The following NEK9 variants were observed in gnomAD, a reference collection of about 807,000 sequenced individuals.
NEK9 encodes NIMA related kinase 9.
NEK9 carries 75 observed loss-of-function variants against 123.4 expected under a neutral mutation model. That is an observed-to-expected ratio of 0.61 (90% CI 0.50 to 0.74). The LOEUF (loss-of-function observed/expected upper bound fraction) is 0.74. Among genes scored for constraint, NEK9 ranks in the 30% least tolerant of loss-of-function variants. NEK9 has a pLI of 0.00. For missense variants in NEK9, 952 were observed against 1,214.4 expected (o/e 0.78, Z 3.21); for synonymous variants, 438 against 458.7 (o/e 0.95, Z 0.58).
rs748222443 is a variant in NEK9, at chr14:75,097,127, G to A, written c.2146C>T (p.Arg716Cys). Reference sequence around the variant, plus strand: ...ACGATGAGAATGGTATGCCATCCACGGCAAGACAGGTCCGGGACATGATGC... The same window carrying A: ...ACGATGAGAATGGTATGCCATCCACAGCAAGACAGGTCCGGGACATGATGC... ...SLHHVPDLSC[R>C]GWHTILIVEK... Residue 716 changes from arginine to cysteine, a missense_variant, in exon 17 of 22, where the codon CGT (arginine) becomes TGT (cysteine). Around this residue, in one of 4 missense-constraint regions of NEK9, gnomAD observed 698 missense variants for 875.6 expected, o/e 0.80. Coordinates refer to ENST00000238616, the MANE Select transcript of NEK9 (RefSeq NM_033116.6). 9.3e-6 allele frequency: 15 copies of A among 1,611,046 alleles called. No homozygotes were observed. The highest frequency in any genetic ancestry group is 7.7e-5 in the South Asian group (7 of 90,634).
chr14:75,114,719 GTAA>G lies in NEK9; in HGVS notation c.763-409_763-407del, dbSNP rs575975794. 7.0e-3 allele frequency among the ~76,000 whole-genome samples: 1,069 copies of G among 152,182 alleles called. 16 individuals carry two copies. The highest frequency in any genetic ancestry group is 0.023 in the African/African-American group (966 of 41,510). ...ATACTCTGCTGCAACAGATAAGGCA[GTAA>G]TAATAATAAGATGATAATACTAACA... On this transcript the variant is annotated intron_variant, in intron 6 of 21. Coordinates refer to ENST00000238616, the MANE Select transcript of NEK9 (RefSeq NM_033116.6).
In NEK9 at chr14:75,120,648, T is replaced by C. The variant is rs175454; in HGVS notation, c.454-68A>G. ...CCATTTAAGTAAATACACACACACATAAACAAACAAAACAAAGAAAACTGC... is the reference window on the plus strand; with the variant it reads ...CCATTTAAGTAAATACACACACACACAAACAAACAAAACAAAGAAAACTGC... On this transcript the variant is annotated intron_variant, in intron 3 of 21. Transcript: ENST00000238616. 1,101,417 of 1,111,332 alleles carry C rather than the reference T, an allele frequency of 0.99. 545,902 individuals carry two copies. The highest frequency in any genetic ancestry group is 1 in the East Asian group (41,578 of 41,742). The allele number at this position is 1,111,332 out of a possible 1,614,324, so 68.8% of individuals were successfully genotyped here.
At chr14:75,120,895 A>T in intron 3 of NEK9, 1 of 641,940 alleles carries the variant, frequency 1.6e-6, no homozygotes. Flanking sequence ...TAGAACCAGG[A>T]AAGAAAGCCC....
At chr14:75,124,334 C>G in intron 1 of NEK9, 111 bp from the exon 2 acceptor site, 1 of 851,340 alleles carries the variant, frequency 1.2e-6, no homozygotes, top group South Asian at 1.9e-5. Flanking sequence ...CACAGACTGA[C>G]TCCTCTTATT....
Position 75,112,742 on chromosome 14 carries a change from C to G in NEK9, c.938+597G>C, listed in dbSNP as rs541449962. 2.0e-5 allele frequency among the ~76,000 whole-genome samples: 3 copies of G among 152,236 alleles called. No individual in the cohort carries two copies. In the East Asian group the frequency reaches 5.8e-4, roughly 29 times the overall value. On this transcript the variant is annotated intron_variant, in intron 8 of 21. Transcript: ENST00000238616. ...GAGGCTGAGGTGTGAGAATCACTTG[C>G]AGCAGAAGTTCAAGGCTGCAGTGAG...
chr14:75,124,106 CAAT>C lies in NEK9; in HGVS notation c.334_336del (p.Ile112del). The C allele has an allele frequency of 6.2e-7, 1 of 1,614,064 alleles. No homozygotes were observed. Among genetic ancestry groups the C allele is most frequent in the Non-Finnish European group, 8.5e-7 (1 of 1,179,906 alleles). Reference sequence around the variant, plus strand: ...TTGTCCATGAAGTGATTGTAGTAGGCAATAATGTTGTCGTGCTGCAGCAGTGCC... The same window carrying C: ...TTGTCCATGAAGTGATTGTAGTAGGCAATGTTGTCGTGCTGCAGCAGTGCC... On this transcript the variant is annotated inframe_deletion, in exon 2 of 22. Coordinates refer to ENST00000238616, the MANE Select transcript of NEK9 (RefSeq NM_033116.6).
At chr14:75,119,691 C>A (rs144968528) in intron 4 of NEK9, among the ~76,000 whole-genome samples, 231 of 152,274 alleles carry the variant, frequency 1.5e-3, no homozygotes, top group African/African-American at 5.3e-3. Context: ...AGAGAAGAGG[C>A]CTACATGTCC....
In NEK9 at chr14:75,082,648, C is replaced by T. The variant is rs908554963; in HGVS notation, c.*1916G>A. 8.9e-5 allele frequency: 21 copies of T among 235,456 alleles called. No individual in the cohort carries two copies. The highest frequency in any genetic ancestry group is 1.5e-4 in the Non-Finnish European group (18 of 122,448). 14.6% of individuals were successfully genotyped at this position (235,456 alleles called of 1,614,324 possible). A position where few individuals can be genotyped will look rare whatever the true frequency, so the allele number is the denominator to read the frequency against. ...CCCCCGGCACTCACTTTCACCCCACCTTCTCAGCAACCTGCCCATGTCCAT... is the reference window on the plus strand; with the variant it reads ...CCCCCGGCACTCACTTTCACCCCACTTTCTCAGCAACCTGCCCATGTCCAT... On this transcript the variant is annotated 3_prime_UTR_variant, in exon 22 of 22. Coordinates refer to ENST00000238616, the MANE Select transcript of NEK9 (RefSeq NM_033116.6).
Position 75,103,888 on chromosome 14 carries a change from T to C in NEK9, c.1685A>G (p.Asn562Ser), listed in dbSNP as rs1298074833. 1.4e-5 allele frequency: 22 copies of C among 1,613,976 alleles called. No individual in the cohort carries two copies. Among genetic ancestry groups the C allele is most frequent in the East Asian group, 2.2e-5 (1 of 44,892 alleles). The change falls in exon 14 of 22, where the codon AAT becomes AGT. Residue 562 changes from asparagine (N) to serine (S), a missense_variant. Physicochemically the swap from Asn to Ser is conservative, Grantham distance 46. Coordinates refer to ENST00000238616, the MANE Select transcript of NEK9 (RefSeq NM_033116.6). ...CATGCACTGATTCAGACCCAGCTTA[T>C]TGAATTCATTGAGTCCACAGGCCAG... ...KVLACGLNEF[N>S]KLGLNQCMSG...
intron 8 of NEK9, 69 bp downstream of exon 8, chr14:75,113,270 T>C: frequency 8.7e-7 from 1 of 1,150,030 alleles, no homozygotes; most frequent in Non-Finnish European, 1.3e-6. Context: ...TTTCTTTTAG[T>C]ACTCTGATCA....
chr14:75,126,615 C>T, intron 1 of NEK9, 88 bp downstream of exon 1: 1 of 1,104,662 alleles, frequency 9.1e-7, no homozygotes, highest in Non-Finnish European at 1.2e-6. Flanking sequence ...GCACTAAGCT[C>T]ACGACGCTGG....
rs559627141 is a variant in NEK9 at position 75,083,432 on chromosome 14, T to C, written c.*1132A>G. 2.1e-4 allele frequency: 43 copies of C among 207,424 alleles called. No homozygotes were observed. The highest frequency in any genetic ancestry group is 9.6e-4 in the African/African-American group (42 of 43,864). The allele number at this position is 207,424 out of a possible 1,614,324, so 12.8% of individuals were successfully genotyped here. A position where few individuals can be genotyped will look rare whatever the true frequency, so the allele number is the denominator to read the frequency against. Reference sequence around the variant, plus strand: ...TCAGCCAAATTCCTTTTGCAAGTTCTACCTGTTCTGTTAGGCTTCAGGGAC... The same window carrying C: ...TCAGCCAAATTCCTTTTGCAAGTTCCACCTGTTCTGTTAGGCTTCAGGGAC... On this transcript the variant is annotated 3_prime_UTR_variant, in exon 22 of 22. Transcript: ENST00000238616.
rs1466655270 is a variant in NEK9 at position 75,117,346 on chromosome 14, T to A, written c.631-20A>T. ...CACAAGCTGAGCAACAAAGAAACAA[T>A]CAAAGAATAACTTCTTTTCTGAGGT... On this transcript the variant is annotated intron_variant, in intron 5 of 21. Coordinates refer to ENST00000238616, the MANE Select transcript of NEK9 (RefSeq NM_033116.6). 1 of 1,588,894 alleles carries A rather than the reference T, an allele frequency of 6.3e-7. No individual in the cohort carries two copies. Among genetic ancestry groups the A allele is most frequent in the East Asian group, 2.3e-5 (1 of 44,058 alleles).
intron 13 of NEK9, among the ~76,000 whole-genome samples, chr14:75,104,834 G>T (rs542885460): frequency 3.2e-4 from 48 of 152,318 alleles, no homozygotes; most frequent in Non-Finnish European, 6.0e-4. Context: ...CAAAGAAAAG[G>T]TGACAGTTCC....
At chr14:75,096,008 G>A (rs1894370085) in intron 17 of NEK9, among the ~76,000 whole-genome samples, 1 of 152,200 alleles carries the variant, frequency 6.6e-6, no homozygotes, top group Non-Finnish European at 1.5e-5. Flanking sequence ...TCTTGGCCGG[G>A]TTCAGTGGCT....
At chr14:75,099,449 G>C (rs923906748) in intron 16 of NEK9, among the ~76,000 whole-genome samples, 1 of 152,106 alleles carries the variant, frequency 6.6e-6, no homozygotes, top group Admixed American at 6.6e-5. Flanking sequence ...AGCAAGCAAA[G>C]AAGGAAGGGA....
chr14:75,120,729 G>T, intron 3 of NEK9, 149 bp from the exon 4 acceptor site: 1 of 637,192 alleles, frequency 1.6e-6, no homozygotes, highest in Non-Finnish European at 2.7e-6. Context: ...GGTTGAGTAG[G>T]CAAAGAAAAG....
In NEK9 at chr14:75,081,990, A is replaced by C. The variant is rs1400426139; in HGVS notation, c.*2574T>G. On this transcript the variant is annotated 3_prime_UTR_variant, in exon 22 of 22. Transcript: ENST00000238616. This position sits in a 1 kb window ranked among gnomAD's most constrained non-coding sequence, Gnocchi z 4.2. ...ATATTTCTGTGCAGATGTCCCTTGCATTGTTTCTGTTCCAAGAACATTATT... is the reference window on the plus strand; with the variant it reads ...ATATTTCTGTGCAGATGTCCCTTGCCTTGTTTCTGTTCCAAGAACATTATT... The C allele has an allele frequency of 2.6e-5, 4 of 152,224 alleles. No individual in the cohort carries two copies. Among genetic ancestry groups the C allele is most frequent in the African/African-American group, 4.8e-5 (2 of 41,460 alleles). The allele number at this position is 152,224 out of a possible 1,614,324, so 9.4% of individuals were successfully genotyped here.
intron 6 of NEK9, among the ~76,000 whole-genome samples, chr14:75,115,501 T>G (rs1895111931): frequency 6.6e-6 from 1 of 152,310 alleles, no homozygotes; most frequent in East Asian, 1.9e-4. Context: ...TTTAGAAAAA[T>G]GAATAGGTCT....
Sources: allele counts gnomAD v4.1 joint callset (sites outside exome capture counted in the v4.1 genomes callset), GRCh38; gene constraint gnomAD v4.1.1; regional missense constraint gnomAD v4.1.1; non-coding constraint Gnocchi (gnomAD v3.1); transcripts MANE v1.5; gene names NCBI Gene and HGNC (gene_info 2026-07-23, HGNC 2026-07-21).